The following SOS1 variants were observed in gnomAD, a reference collection of about 807,000 sequenced individuals.
The protein encoded by SOS1 is son of sevenless homolog 1.
SOS1 carries 25 observed loss-of-function variants against 157.6 expected under a neutral mutation model. The ratio of observed to expected loss-of-function variants is 0.16; its 90% confidence interval spans 0.12 to 0.22. The LOEUF is 0.22. SOS1 is among the 10% of genes least tolerant of loss of function. The pLI is 1.00. For synonymous variants in SOS1, 528 were observed against 534.0 expected (o/e 0.99, Z 0.16); for missense variants, 1,237 against 1,599.1 (o/e 0.77, Z 3.86).
At position 38,983,263 on chromosome 2, in the gene SOS1, A is replaced by G. The variant is rs1234565024; in HGVS notation, c.*2561T>C. 2 of 152,154 alleles carry G rather than the reference A, an allele frequency of 1.3e-5. No homozygotes were observed. The highest frequency in any genetic ancestry group is 2.9e-5 in the Non-Finnish European group (2 of 68,028). 9.4% of individuals were successfully genotyped at this position (152,154 alleles called of 1,614,324 possible). A position where few individuals can be genotyped will look rare whatever the true frequency, so the allele number is the denominator to read the frequency against. On this transcript the variant is annotated 3_prime_UTR_variant, in exon 23 of 23. Coordinates refer to ENST00000402219, the MANE Select transcript of SOS1 (RefSeq NM_005633.4). ...GATTAAATAGATTTTCATTACTACA[A>G]GGATAAATTTGTCAACTAGTTAATG...
intron 1 of SOS1, among the ~76,000 whole-genome samples, chr2:39,079,520 A>C (rs1356775914): frequency 1.9e-5 from 2 of 104,906 alleles, no homozygotes; most frequent in African/African-American, 7.7e-5. Flanking sequence ...TTTGAGACGG[A>C]GTCTCGCTCT....
intron 6 of SOS1, among the ~76,000 whole-genome samples, chr2:39,044,636 T>A (rs1055523390): frequency 6.6e-6 from 1 of 152,164 alleles, no homozygotes; most frequent in African/African-American, 2.4e-5. Context: ...ATATGCAGAT[T>A]TTTTTCAACC....
At chr2:39,082,339 G>A (rs1271849646) in intron 1 of SOS1, among the ~76,000 whole-genome samples, 1 of 152,132 alleles carries the variant, frequency 6.6e-6, no homozygotes, top group African/African-American at 2.4e-5. Context: ...TCTGGGAAAA[G>A]CAGAATAAGA....
intron 1 of SOS1, among the ~76,000 whole-genome samples, chr2:39,083,844 T>C (rs987868849): frequency 1.3e-5 from 2 of 152,200 alleles, no homozygotes; most frequent in South Asian, 4.1e-4. Context: ...CTGTGGAATA[T>C]GATTGTTATG....
intron 6 of SOS1, among the ~76,000 whole-genome samples, chr2:39,039,776 A>G (rs1670492005): frequency 6.6e-6 from 1 of 152,108 alleles, no homozygotes. Context: ...GAATATTTTT[A>G]TCACCCCCTC....
chr2:39,123,575 C>G (rs1165482000), upstream of SOS1, among the ~76,000 whole-genome samples: 1 of 151,990 alleles, frequency 6.6e-6, no homozygotes, highest in Non-Finnish European at 1.5e-5. Context: ...CCAGGCTGGT[C>G]TCGAACTCCT....
At chr2:39,123,334 C>T (rs1020893864), upstream of SOS1, among the ~76,000 whole-genome samples, 3 of 151,852 alleles carry the variant, frequency 2.0e-5, no homozygotes, top group Non-Finnish European at 4.4e-5. Flanking sequence ...ATGTAAACTC[C>T]TAGAGAGAGA....
chr2:39,032,628 A>G (rs1487909018), intron 8 of SOS1, among the ~76,000 whole-genome samples: 1 of 152,206 alleles, frequency 6.6e-6, no homozygotes, highest in Non-Finnish European at 1.5e-5. Context: ...CAGACAATAA[A>G]AATGGAACAA....
In SOS1 at chr2:39,013,469, T is replaced by C. The variant is rs367634525; in HGVS notation, c.2158A>G (p.Thr720Ala). The C allele has an allele frequency of 1.2e-6, 2 of 1,603,840 alleles. No homozygotes were observed. Among genetic ancestry groups the C allele is most frequent in the African/African-American group, 2.7e-5 (2 of 74,660 alleles). Residue 720 changes from threonine (T) to alanine (A), a missense_variant, in exon 13 of 23, where the codon ACA becomes GCA. Thr to Ala is a moderately conservative substitution (Grantham distance 58). Coordinates refer to ENST00000402219, the MANE Select transcript of SOS1 (RefSeq NM_005633.4). ...LLQRMEEFIG[T>A]VRGKAMKKWV... is the part of the protein sequence containing the mutation. ...AAAAAAAAAAACATACCTCTTACTG[T>C]TCCAATAAATTCTTCCATTCGTTGC... is the stretch of plus-strand genomic sequence containing the variant.
intron 6 of SOS1, among the ~76,000 whole-genome samples, chr2:39,044,864 G>GCGCACACACACACACA (rs147443441): frequency 2.4e-4 from 35 of 147,760 alleles, no homozygotes; most frequent in Non-Finnish European, 4.5e-4. Context: ...GCGCGCGCGC[G>GCGCACACACACACACA]CACACACACA....
intron 20 of SOS1, among the ~76,000 whole-genome samples, chr2:38,991,142 C>G (rs894511764): frequency 4.0e-5 from 6 of 150,356 alleles, no homozygotes; most frequent in African/African-American, 1.5e-4. Context: ...TGATACTATA[C>G]AGTCAGGGTT....
chr2:39,033,468 G>C (rs1670238380), intron 8 of SOS1, among the ~76,000 whole-genome samples: 1 of 152,052 alleles, frequency 6.6e-6, no homozygotes, highest in South Asian at 2.1e-4. Context: ...ATATTATTAA[G>C]ATGATTGGGT....
At position 39,027,901 on chromosome 2, in the gene SOS1, T is replaced by C. The variant is rs145134138; in HGVS notation, c.1075-3764A>G. ...TGGAGTGCAGTGGCACAATCTTAGCTCACTGCAACCTCCACACCTCCCAGG... is the reference window on the plus strand; with the variant it reads ...TGGAGTGCAGTGGCACAATCTTAGCCCACTGCAACCTCCACACCTCCCAGG... On this transcript the variant is annotated intron_variant, in intron 8 of 22. Transcript: ENST00000402219. 6.2e-3 allele frequency among the ~76,000 whole-genome samples: 934 copies of C among 151,780 alleles called. 14 individuals carry two copies. Among genetic ancestry groups the C allele is most frequent in the African/African-American group, 0.021 (863 of 41,348 alleles).
rs1558516394 is a variant in SOS1 at position 39,106,613 on chromosome 2, AC to A, written c.87+13722del. Among the ~76,000 whole-genome samples the A allele has an allele frequency of 6.1e-5, 9 of 148,562 alleles. 1 individual carries two copies. The highest frequency in any genetic ancestry group is 1.8e-4 in the African/African-American group (7 of 38,564). On this transcript the variant is annotated intron_variant, in intron 1 of 22. Coordinates refer to ENST00000402219, the MANE Select transcript of SOS1 (RefSeq NM_005633.4). ...CTCAAAAAAAAAAACAAAAAAAAAA[AC>A]AAAACATCTGAGTAATTCAGGGTCC...
intron 1 of SOS1, among the ~76,000 whole-genome samples, chr2:39,084,792 A>G (rs1431949842): frequency 5.3e-5 from 8 of 152,202 alleles, no homozygotes; most frequent in Admixed American, 5.2e-4. Context: ...TTTGCTTTAA[A>G]AACAGTATGA....
chr2:39,066,817 A>G (rs1671603405), intron 2 of SOS1, among the ~76,000 whole-genome samples: 1 of 152,200 alleles, frequency 6.6e-6, no homozygotes, highest in Non-Finnish European at 1.5e-5. Flanking sequence ...TCAAAACATT[A>G]ACAGAAATCT....
At chr2:39,055,120 C>G (rs928674492) in intron 4 of SOS1, among the ~76,000 whole-genome samples, 1 of 152,056 alleles carries the variant, frequency 6.6e-6, no homozygotes, top group South Asian at 2.1e-4. Context: ...TTTAATTTCC[C>G]TGACTTGGTT....
At chr2:39,118,447 G>T (rs1673739104) in intron 1 of SOS1, among the ~76,000 whole-genome samples, 1 of 152,192 alleles carries the variant, frequency 6.6e-6, no homozygotes, top group African/African-American at 2.4e-5. Flanking sequence ...ATCATTGTTA[G>T]TGGCTATTTA....
Position 38,984,635 on chromosome 2 carries a change from G to A in SOS1, c.*1189C>T, listed in dbSNP as rs377212029. The A allele has an allele frequency of 3.3e-5, 5 of 152,042 alleles. No individual in the cohort carries two copies. The highest frequency in any genetic ancestry group is 2.1e-4 in the South Asian group (1 of 4,814). 9.4% of individuals were successfully genotyped at this position (152,042 alleles called of 1,614,324 possible). On this transcript the variant is annotated 3_prime_UTR_variant, in exon 23 of 23. Transcript: ENST00000402219. ...TAGAAACCAAGGCGTACCACAAAACGTGCTTTTATGTTTAGTGTTTTTGTG... is the reference window on the plus strand; with the variant it reads ...TAGAAACCAAGGCGTACCACAAAACATGCTTTTATGTTTAGTGTTTTTGTG...
Sources: allele counts gnomAD v4.1 joint callset (sites outside exome capture counted in the v4.1 genomes callset), GRCh38; gene constraint gnomAD v4.1.1; transcripts MANE v1.5; gene names NCBI Gene and HGNC (gene_info 2026-07-23, HGNC 2026-07-21).